LDB2: variants seen among roughly 807,000 people sequenced by gnomAD.
LDB2 encodes the protein LIM domain-binding protein 2.
Under a neutral mutation model 44.3 loss-of-function variants are expected in LDB2, and 12 were observed. That is an observed-to-expected ratio of 0.27 (90% CI 0.17 to 0.44). The LOEUF (loss-of-function observed/expected upper bound fraction) is 0.44. Among genes scored for constraint, LDB2 ranks in the 20% least tolerant of loss-of-function variants. The probability of loss-of-function intolerance (pLI) is 1.00; values close to 1 mark genes in which losing one functional copy is unlikely to be tolerated. For missense variants in LDB2, 344 were observed against 473.5 expected, an observed-to-expected ratio of 0.73 and a Z score of 2.54; for synonymous variants, 164 against 174.8, an observed-to-expected ratio of 0.94 and a Z score of 0.49.
intron 2 of LDB2, among the ~76,000 whole-genome samples, chr4:16,635,272 C>T (rs2152500956): frequency 6.6e-6 from 1 of 152,100 alleles, no homozygotes. Flanking sequence ...CACATGTAAC[C>T]CAGAACTTAA....
At chr4:16,801,572 C>G (rs778160323) in intron 1 of LDB2, among the ~76,000 whole-genome samples, 13 of 152,152 alleles carry the variant, frequency 8.5e-5, no homozygotes, top group Non-Finnish European at 4.4e-5. Context: ...CACCCATCTC[C>G]CCCAAGTACT....
intron 5 of LDB2, 33 bp from the exon 6 acceptor site, chr4:16,512,137 T>G: frequency 6.4e-7 from 1 of 1,565,776 alleles, no homozygotes; most frequent in South Asian, 1.2e-5. Context: ...GGCATTTCAC[T>G]ACTTCATAAC....
intron 3 of LDB2, among the ~76,000 whole-genome samples, chr4:16,592,407 C>G (rs1200473277): frequency 6.7e-6 from 1 of 149,352 alleles, no homozygotes. Context: ...GTGCAAAGCT[C>G]ATTGTATTTT....
intron 2 of LDB2, among the ~76,000 whole-genome samples, chr4:16,742,037 T>C (rs1390724873): frequency 6.6e-6 from 1 of 151,912 alleles, no homozygotes; most frequent in Non-Finnish European, 1.5e-5. Flanking sequence ...CCATTTCTTT[T>C]TTTCTTTTTT....
chr4:16,696,407 A>T (rs927299730), intron 2 of LDB2, among the ~76,000 whole-genome samples: 2 of 152,246 alleles, frequency 1.3e-5, no homozygotes, highest in African/African-American at 4.8e-5. Flanking sequence ...AAGAAAAAAT[A>T]ATCCAAGTTG....
intron 2 of LDB2, among the ~76,000 whole-genome samples, chr4:16,724,645 C>CATG (rs1399926805): frequency 6.6e-6 from 1 of 152,088 alleles, no homozygotes; most frequent in African/African-American, 2.4e-5. Context: ...CAGATTGTAC[C>CATG]TTCTGAGCCA....
rs528965231 is a variant in LDB2 at position 16,861,113 on chromosome 4, C to T, written c.132+37241G>A. Among the ~76,000 whole-genome samples, 94 of 152,202 alleles carry T rather than the reference C, an allele frequency of 6.2e-4. 1 individual carries two copies. Among genetic ancestry groups the T allele is most frequent in the African/African-American group, 2.2e-3 (90 of 41,544 alleles). The stretch of plus-strand genomic sequence containing the variant: ...TATATATCAAATATGATCATTGGAA[C>T]GTTCATAAAAATGCTTATCCTACCA... On this transcript the variant is annotated intron_variant, in intron 1 of 7. Transcript: ENST00000304523.
chr4:16,632,844 G>A (rs997657781), intron 2 of LDB2, among the ~76,000 whole-genome samples: 2 of 152,176 alleles, frequency 1.3e-5, no homozygotes, highest in Non-Finnish European at 2.9e-5. Flanking sequence ...TGGTGGGAGT[G>A]TAAATTAGTT....
At chr4:16,548,503 C>G (rs1199150120) in intron 5 of LDB2, among the ~76,000 whole-genome samples, 3 of 152,164 alleles carry the variant, frequency 2.0e-5, no homozygotes, top group Non-Finnish European at 2.9e-5. Context: ...TATTATCTGC[C>G]TCTTCTATTA....
intron 5 of LDB2, among the ~76,000 whole-genome samples, chr4:16,579,776 A>G (rs1304704102): frequency 6.6e-6 from 1 of 152,216 alleles, no homozygotes; most frequent in Non-Finnish European, 1.5e-5. Flanking sequence ...TTGTCATTTG[A>G]AATTTTGCCT....
chr4:16,771,354 C>T (rs897017765), intron 1 of LDB2, among the ~76,000 whole-genome samples: 16 of 152,242 alleles, frequency 1.1e-4, no homozygotes, highest in African/African-American at 3.9e-4. Context: ...TTTCTATTCT[C>T]TTCTCTGTTT....
Position 16,898,486 on chromosome 4 carries a change from C to G in LDB2, c.-1G>C. The G allele has an allele frequency of 6.2e-7, 1 of 1,613,422 alleles. No homozygotes were observed. The highest frequency in any genetic ancestry group is 8.5e-7 in the Non-Finnish European group (1 of 1,179,698). ...AGGGGTCATGTGGTGTGCTGGACAT[C>G]TTGCCTGCTTTTCGAAAATCAAGCT... On this transcript the variant is annotated 5_prime_UTR_variant, in exon 1 of 8. Coordinates refer to ENST00000304523, the MANE Select transcript of LDB2 (RefSeq NM_001290.5).
At chr4:16,768,882 T>C (rs1277996843) in intron 1 of LDB2, among the ~76,000 whole-genome samples, 2 of 152,182 alleles carry the variant, frequency 1.3e-5, no homozygotes, top group East Asian at 1.9e-4. Flanking sequence ...ATGAGAAAAC[T>C]GAGGCACTGA....
At chr4:16,602,760 T>C (rs1356128711) in intron 2 of LDB2, among the ~76,000 whole-genome samples, 2 of 152,208 alleles carry the variant, frequency 1.3e-5, no homozygotes, top group East Asian at 1.9e-4. Flanking sequence ...TTGCAGTAGA[T>C]GCTAAGTGCT....
chr4:16,867,123 G>C (rs1714987697), intron 1 of LDB2, among the ~76,000 whole-genome samples: 1 of 152,154 alleles, frequency 6.6e-6, no homozygotes, highest in Non-Finnish European at 1.5e-5. Flanking sequence ...GAAGTCCAAG[G>C]CACAGTCAGG....
chr4:16,559,260 A>C (rs540871319), intron 5 of LDB2, among the ~76,000 whole-genome samples: 1 of 152,234 alleles, frequency 6.6e-6, no homozygotes, highest in Non-Finnish European at 1.5e-5. Flanking sequence ...ATTAAAAGAC[A>C]CAGACTGGCA....
At chr4:16,698,229 A>G (rs370548226) in intron 2 of LDB2, among the ~76,000 whole-genome samples, 1 of 152,218 alleles carries the variant, frequency 6.6e-6, no homozygotes, top group Non-Finnish European at 1.5e-5. Context: ...ACTTCACCGA[A>G]CATTCTTGAA....
intron 2 of LDB2, among the ~76,000 whole-genome samples, chr4:16,607,954 AAAAAAGGGG>A (rs1724405850): frequency 2.0e-5 from 3 of 152,232 alleles, no homozygotes; most frequent in Non-Finnish European, 2.9e-5. Flanking sequence ...TCAAGACCAC[AAAAAAGGGG>A]AAATAAGGTT....
intron 2 of LDB2, among the ~76,000 whole-genome samples, chr4:16,673,145 C>G (rs143661029): frequency 9.9e-5 from 15 of 152,188 alleles, no homozygotes; most frequent in South Asian, 4.1e-4. Context: ...TGTGCTTTTT[C>G]TTTTCAGGGA....
Sources: gnomAD v4.1 joint callset for allele counts (sites outside exome capture counted in the v4.1 genomes callset) on GRCh38, gnomAD v4.1.1 for gene constraint, MANE v1.5 for transcripts, NCBI Gene and HGNC (gene_info 2026-07-23, HGNC 2026-07-21) for gene names.